Variants in PCNX2 observed in about 807,000 individuals in gnomAD.
The protein encoded by PCNX2 is pecanex 2.
A neutral mutation model predicts 223.8 loss-of-function variants in PCNX2; 168 were observed. That is an observed-to-expected ratio of 0.75 (90% CI 0.66 to 0.85). PCNX2 has a LOEUF of 0.85. Among genes scored for constraint, PCNX2 ranks in the 40% least tolerant of loss-of-function variants. The pLI is 0.00. For synonymous variants in PCNX2, 1,006 were observed against 1,052.6 expected, an observed-to-expected ratio of 0.96 and a Z score of 0.86; for missense variants, 2,507 against 2,675.5, an observed-to-expected ratio of 0.94 and a Z score of 1.39.
At chr1:233,007,889 G>C (rs1670341409) in intron 28 of PCNX2, among the ~76,000 whole-genome samples, 1 of 151,906 alleles carries the variant, frequency 6.6e-6, no homozygotes, top group African/African-American at 2.4e-5. Context: ...ACATTGGCCA[G>C]GCTAGTCTCG....
At chr1:233,138,320 G>GC (rs1676924564) in intron 20 of PCNX2, among the ~76,000 whole-genome samples, 1 of 152,160 alleles carries the variant, frequency 6.6e-6, no homozygotes, top group African/African-American at 2.4e-5. Flanking sequence ...TAGAGTCTTA[G>GC]CCCTTGCATC....
At chr1:233,210,120 T>C (rs1024022658) in intron 12 of PCNX2, among the ~76,000 whole-genome samples, 1 of 152,226 alleles carries the variant, frequency 6.6e-6, no homozygotes, top group African/African-American at 2.4e-5. Context: ...TTACTGGGCA[T>C]GGGAAGGTTT....
At chr1:233,317,909 G>T in the PCNX2 span, among the ~76,000 whole-genome samples, 1 of 152,176 alleles carries the variant, frequency 6.6e-6, no homozygotes, top group East Asian at 1.9e-4. Flanking sequence ...GCCAAGATTG[G>T]AGTCCATGTC....
At chr1:233,201,867 A>G (rs2102898247) in intron 13 of PCNX2, 1 of 172,666 alleles carries the variant, frequency 5.8e-6, no homozygotes, top group Non-Finnish European at 1.2e-5. Flanking sequence ...CACAATGAAA[A>G]ATGGCATGAG....
At chr1:233,212,290 A>G (rs1019702200) in intron 12 of PCNX2, among the ~76,000 whole-genome samples, 3 of 152,234 alleles carry the variant, frequency 2.0e-5, no homozygotes, top group Admixed American at 2.0e-4. Flanking sequence ...AAATATTTTA[A>G]GGAATTCTCT....
At chr1:233,319,632 A>G in the PCNX2 span, among the ~76,000 whole-genome samples, 1 of 152,328 alleles carries the variant, frequency 6.6e-6, no homozygotes, top group Non-Finnish European at 1.5e-5. Context: ...CAAGGTTTTG[A>G]ACAAAGGGTC....
Position 233,035,653 on chromosome 1 carries a change from A to G in PCNX2, c.4352-10254T>C, listed in dbSNP as rs186541353. Among the ~76,000 whole-genome samples the G allele has an allele frequency of 2.1e-4, 32 of 152,312 alleles. No homozygotes were observed. The South Asian group carries it at 2.5e-3, about 12-fold the overall frequency. ...TTAGCCTGTGCTTTTCAAACTGCAG[A>G]TGGGACTTATAGGCACAAACGTTGG... On this transcript the variant is annotated intron_variant, in intron 25 of 33. Transcript: ENST00000258229.
chr1:233,233,766 C>T (rs957672230), intron 9 of PCNX2, among the ~76,000 whole-genome samples: 6 of 151,866 alleles, frequency 4.0e-5, no homozygotes, highest in Non-Finnish European at 8.8e-5. Context: ...GTCTTGTCTT[C>T]CGAGCCTTAT....
chr1:233,313,468 A>T, the PCNX2 span, among the ~76,000 whole-genome samples: 140 of 152,310 alleles, frequency 9.2e-4, no homozygotes, highest in African/African-American at 3.3e-3. Context: ...TTTTCAGTAA[A>T]TGGGAAAGAC....
intron 23 of PCNX2, among the ~76,000 whole-genome samples, chr1:233,068,604 G>A (rs1432487791): frequency 6.6e-6 from 1 of 152,070 alleles, no homozygotes; most frequent in Non-Finnish European, 1.5e-5. Flanking sequence ...GACATGAAAA[G>A]ACTTCTACAC....
chr1:233,308,740 ACT>A, the PCNX2 span, among the ~76,000 whole-genome samples: 1 of 152,152 alleles, frequency 6.6e-6, no homozygotes, highest in African/African-American at 2.4e-5. Context: ...TAAAAAGATA[ACT>A]CTAAAGCCAA....
At chr1:233,241,102 C>A in intron 8 of PCNX2, 1 of 893,076 alleles carries the variant, frequency 1.1e-6, no homozygotes, top group Non-Finnish European at 1.3e-6. Context: ...GGATGTTTAA[C>A]TAAAGCAGCA....
intron 15 of PCNX2, among the ~76,000 whole-genome samples, chr1:233,195,342 T>C (rs1407853509): frequency 1.3e-5 from 2 of 152,072 alleles, no homozygotes; most frequent in Non-Finnish European, 2.9e-5. Context: ...ATCTGGAAAA[T>C]TTCCATAGCT....
At chr1:233,205,665 T>C (rs68081215) in intron 13 of PCNX2, among the ~76,000 whole-genome samples, 19,611 of 151,334 alleles carry the variant, frequency 0.13, 1,415 homozygotes, top group East Asian at 0.22. Context: ...CTCTGCACTC[T>C]ACTGAGCAAC....
chr1:233,057,908 A>C (rs780063800), intron 23 of PCNX2: 4 of 985,438 alleles, frequency 4.1e-6, no homozygotes, highest in Non-Finnish European at 4.8e-6. Context: ...CACTTTCAGA[A>C]CTTGAGAACA....
intron 8 of PCNX2, chr1:233,241,233 G>A (rs759493248): frequency 1.0e-6 from 1 of 985,448 alleles, no homozygotes; most frequent in Non-Finnish European, 1.2e-6. Flanking sequence ...CACCGTGGAA[G>A]TGAGGCAAGG....
intron 25 of PCNX2, among the ~76,000 whole-genome samples, chr1:233,042,530 G>C (rs761441741): frequency 5.3e-5 from 8 of 152,196 alleles, no homozygotes; most frequent in Non-Finnish European, 8.8e-5. Flanking sequence ...CAACCTGGGA[G>C]CTATATCAAT....
chr1:233,190,891 G>A (rs994903530), intron 15 of PCNX2, among the ~76,000 whole-genome samples: 35 of 152,192 alleles, frequency 2.3e-4, no homozygotes, highest in African/African-American at 8.2e-4. Flanking sequence ...CTGATCAGTT[G>A]GCACTGGCTG....
At chr1:233,097,667 C>T (rs1394480527) in intron 21 of PCNX2, among the ~76,000 whole-genome samples, 1 of 152,142 alleles carries the variant, frequency 6.6e-6, no homozygotes, top group African/African-American at 2.4e-5. Context: ...ACTCTGTCAA[C>T]CTGAGGTCCA....
Sources: allele counts gnomAD v4.1 joint callset (sites outside exome capture counted in the v4.1 genomes callset), GRCh38; gene constraint gnomAD v4.1.1; transcripts MANE v1.5; gene names NCBI Gene and HGNC (gene_info 2026-07-23, HGNC 2026-07-21).